The following PAX5 variants were observed in gnomAD, a reference collection of about 807,000 sequenced individuals.
PAX5 encodes paired box protein Pax-5.
PAX5 carries 9 observed loss-of-function variants against 43.7 expected under a neutral mutation model. That is an observed-to-expected ratio of 0.21 (90% confidence interval 0.12 to 0.36). The LOEUF is 0.36. PAX5 is among the 10% of genes least tolerant of loss of function. The pLI is 1.00. For missense variants in PAX5, 383 were observed against 532.7 expected (o/e 0.72, Z 2.77); for synonymous variants, 228 against 214.3 (o/e 1.06, Z -0.56).
intron 4 of PAX5, among the ~76,000 whole-genome samples, chr9:37,004,181 G>A (rs1262986538): frequency 6.6e-6 from 1 of 152,204 alleles, no homozygotes; most frequent in Non-Finnish European, 1.5e-5. Flanking sequence ...TGTGACTGAG[G>A]CTAGGTCTCA....
At chr9:36,924,806 A>T (rs56230507) in intron 6 of PAX5, among the ~76,000 whole-genome samples, 2 of 17,042 alleles carry the variant, frequency 1.2e-4, no homozygotes, top group African/African-American at 3.1e-4. Flanking sequence ...GGAGGGAGGG[A>T]GGAAGGAAGG....
At chr9:36,973,717 T>A (rs1002542807) in intron 5 of PAX5, among the ~76,000 whole-genome samples, 1 of 151,884 alleles carries the variant, frequency 6.6e-6, no homozygotes, top group Non-Finnish European at 1.5e-5. Context: ...AAAAAAAATT[T>A]AAAAATGGCT....
chr9:36,921,944 G>T (rs1830206805), intron 7 of PAX5, among the ~76,000 whole-genome samples: 1 of 152,148 alleles, frequency 6.6e-6, no homozygotes, highest in South Asian at 2.1e-4. Context: ...CACCTGTGGG[G>T]TCAGCAAAGG....
In PAX5 at chr9:36,835,195, C is replaced by A. The variant is rs1821555602; in HGVS notation, c.*5365G>T. The A allele has an allele frequency of 4.3e-6, 1 of 233,260 alleles. No homozygotes were observed. The highest frequency in any genetic ancestry group is 5.6e-5 in the Admixed American group (1 of 17,808). 14.4% of individuals were successfully genotyped at this position (233,260 alleles called of 1,614,324 possible). A position where few individuals can be genotyped will look rare whatever the true frequency, so the allele number is the denominator to read the frequency against. On this transcript the variant is annotated 3_prime_UTR_variant, in exon 10 of 10. Transcript: ENST00000358127. ...CTTTCTGAATGGTGGCTACGTTTAC[C>A]CATCTTGGAGATGAGCTAAAGGGGA...
At chr9:36,901,660 A>T (rs752342526) in intron 7 of PAX5, among the ~76,000 whole-genome samples, 9 of 152,182 alleles carry the variant, frequency 5.9e-5, no homozygotes, top group Non-Finnish European at 8.8e-5. Context: ...CTGGGATTGG[A>T]GCCCAGCGCT....
chr9:36,948,439 C>T (rs1202387585), intron 6 of PAX5, among the ~76,000 whole-genome samples: 1 of 152,144 alleles, frequency 6.6e-6, no homozygotes, highest in African/African-American at 2.4e-5. Context: ...CCGGAGAACT[C>T]GTCCTCTGTT....
At chr9:36,984,855 G>C (rs1836263363) in intron 5 of PAX5, among the ~76,000 whole-genome samples, 1 of 152,158 alleles carries the variant, frequency 6.6e-6, no homozygotes, top group African/African-American at 2.4e-5. Context: ...CATCAGCCTT[G>C]TACAGCTGAG....
Position 36,970,709 on chromosome 9 carries a change from C to T in PAX5, c.605-3985G>A, listed in dbSNP as rs376185821. 6.6e-5 allele frequency among the ~76,000 whole-genome samples: 10 copies of T among 152,232 alleles called. No homozygotes were observed. The East Asian group carries it at 1.4e-3, about 21-fold the overall frequency. ...CACTGTGCCCATATGGAATGGAAACCATCTCCCATGGACACGGGCATTGTT... is the reference window on the plus strand; with the variant it reads ...CACTGTGCCCATATGGAATGGAAACTATCTCCCATGGACACGGGCATTGTT... On this transcript the variant is annotated intron_variant, in intron 5 of 9. Transcript: ENST00000358127.
intron 1 of PAX5, among the ~76,000 whole-genome samples, chr9:37,026,036 G>A (rs545793915): frequency 6.6e-6 from 1 of 152,296 alleles, no homozygotes; most frequent in African/African-American, 2.4e-5. Flanking sequence ...TAGCCCCGGT[G>A]TCCTCGCTTA....
chr9:36,977,518 G>T (rs10046867), intron 5 of PAX5, among the ~76,000 whole-genome samples: 55,214 of 151,574 alleles, frequency 0.36, 10,251 homozygotes, highest in Middle Eastern at 0.42. Flanking sequence ...TGTTTTTTTT[G>T]GGGTTTTTTT....
At chr9:36,861,463 G>C (rs968086326) in intron 8 of PAX5, 8 of 149,672 alleles carry the variant, frequency 5.3e-5, no homozygotes, top group Non-Finnish European at 1.0e-4. Context: ...AGATAATGAT[G>C]GGTGCTAAAG....
intron 4 of PAX5, 113 bp downstream of exon 4, chr9:37,006,360 A>C: frequency 2.8e-6 from 2 of 708,186 alleles, no homozygotes; most frequent in Non-Finnish European, 4.9e-6. Flanking sequence ...GCGCATTAGT[A>C]CGTGTGCTGA....
At chr9:36,952,510 C>T (rs916930852) in intron 6 of PAX5, among the ~76,000 whole-genome samples, 111 of 152,094 alleles carry the variant, frequency 7.3e-4, no homozygotes, top group Non-Finnish European at 7.4e-4. Flanking sequence ...ATATCTACTA[C>T]GTTTGTAACT....
At chr9:37,000,324 C>G (rs539413360) in intron 5 of PAX5, among the ~76,000 whole-genome samples, 2 of 152,156 alleles carry the variant, frequency 1.3e-5, no homozygotes, top group Non-Finnish European at 2.9e-5. Flanking sequence ...GTTTGTCCCC[C>G]ACTCTTTCCA....
At chr9:36,955,341 G>T (rs1833356872) in intron 6 of PAX5, among the ~76,000 whole-genome samples, 1 of 152,124 alleles carries the variant, frequency 6.6e-6, no homozygotes, top group African/African-American at 2.4e-5. Context: ...CCAGATGAAA[G>T]TTTTTTTATA....
intron 8 of PAX5, among the ~76,000 whole-genome samples, chr9:36,861,712 G>A (rs940256776): frequency 6.6e-6 from 1 of 151,884 alleles, no homozygotes; most frequent in East Asian, 2.0e-4. Flanking sequence ...GGCCTATGTG[G>A]CTGGAGAGAA....
chr9:36,891,508 G>C (rs143303505), intron 7 of PAX5, among the ~76,000 whole-genome samples: 3,589 of 152,318 alleles, frequency 0.024, 71 homozygotes, highest in Non-Finnish European at 0.035. Flanking sequence ...CCTTTGTCCA[G>C]ACCTGCCACT....
chr9:36,981,332 G>A (rs1835913932), intron 5 of PAX5, among the ~76,000 whole-genome samples: 1 of 148,628 alleles, frequency 6.7e-6, no homozygotes, highest in South Asian at 2.1e-4. Flanking sequence ...AAACATTTTT[G>A]TCTGTCTTGT....
chr9:36,954,153 T>C (rs1480303939), intron 6 of PAX5, among the ~76,000 whole-genome samples: 1 of 152,212 alleles, frequency 6.6e-6, no homozygotes, highest in Admixed American at 6.5e-5. Flanking sequence ...TCTTACTTTT[T>C]TTTTTCTTGC....
Sources: gnomAD v4.1 joint callset for allele counts (sites outside exome capture counted in the v4.1 genomes callset) on GRCh38, gnomAD v4.1.1 for gene constraint, MANE v1.5 for transcripts, NCBI Gene and HGNC (gene_info 2026-07-23, HGNC 2026-07-21) for gene names.